Variants in MGAT4C observed in about 807,000 individuals in gnomAD.
MGAT4C encodes the protein alpha-1,3-mannosyl-glycoprotein 4-beta-N-acetylglucosaminyltransferase C.
A neutral mutation model predicts 40.1 loss-of-function variants in MGAT4C; 19 were observed. The ratio of observed to expected loss-of-function variants is 0.47; its 90% CI spans 0.33 to 0.70. MGAT4C has a LOEUF of 0.70. Among genes scored for constraint, MGAT4C ranks in the 30% least tolerant of loss-of-function variants. The pLI is 0.02. For missense variants in MGAT4C, 491 were observed against 563.2 expected, an observed-to-expected ratio of 0.87 and a Z score of 1.30; for synonymous variants, 181 against 187.1, an observed-to-expected ratio of 0.97 and a Z score of 0.27.
chr12:86,051,477 T>C (rs1371739811), intron 1 of MGAT4C, among the ~76,000 whole-genome samples: 1 of 151,844 alleles, frequency 6.6e-6, no homozygotes, highest in Non-Finnish European at 1.5e-5. Context: ...TAGACACTGA[T>C]GAAAAATATC....
intron 2 of MGAT4C, among the ~76,000 whole-genome samples, chr12:86,028,733 T>A (rs1890471086): frequency 1.3e-5 from 2 of 151,882 alleles, no homozygotes; most frequent in Admixed American, 1.3e-4. Flanking sequence ...TGTGGAAAAA[T>A]CAGGTTAGGT....
intron 3 of MGAT4C, among the ~76,000 whole-genome samples, chr12:86,371,035 T>C (rs1313590034): frequency 6.6e-6 from 1 of 152,006 alleles, no homozygotes; most frequent in Non-Finnish European, 1.5e-5. Flanking sequence ...AAATATTTCT[T>C]TCAGGAAATA....
Position 86,178,168 on chromosome 12 carries a change from C to T in MGAT4C, c.-57+78071G>A, listed in dbSNP as rs181237368. Among the ~76,000 whole-genome samples the T allele has an allele frequency of 6.7e-3, 1,025 of 152,224 alleles. 14 individuals are homozygous for T. The highest frequency in any genetic ancestry group is 0.024 in the African/African-American group (988 of 41,524). On this transcript the variant is annotated intron_variant, in intron 1 of 4. Coordinates refer to ENST00000611864, the MANE Select transcript of MGAT4C (RefSeq NM_001351288.2). ...AGCCAGGATGGTCTTGATCTCCTGA[C>T]CTTGTGATCCGCCCGCCTTGGCCTC...
chr12:86,153,187 C>T (rs1284138509), intron 1 of MGAT4C, among the ~76,000 whole-genome samples: 1 of 152,182 alleles, frequency 6.6e-6, no homozygotes, highest in East Asian at 1.9e-4. Flanking sequence ...ATTCAAACAG[C>T]TGTAAACCCA....
rs1258149790 is a variant in MGAT4C, at chr12:85,969,609, T to G, written c.*9680A>C. The G allele has an allele frequency of 6.6e-6, 1 of 151,600 alleles. No homozygotes were observed. Among genetic ancestry groups the G allele is most frequent in the Admixed American group, 6.6e-5 (1 of 15,192 alleles). 9.4% of individuals were successfully genotyped at this position (151,600 alleles called of 1,614,324 possible). Reference sequence around the variant, plus strand: ...GTTTTACATGAAGAAACTAATTATTTAAATTCATTTTTCAACTATTTAATG... The same window carrying G: ...GTTTTACATGAAGAAACTAATTATTGAAATTCATTTTTCAACTATTTAATG... On this transcript the variant is annotated 3_prime_UTR_variant, in exon 5 of 5. Coordinates refer to ENST00000611864, the MANE Select transcript of MGAT4C (RefSeq NM_001351288.2).
chr12:86,629,227 A>G (rs944137612), intron 2 of MGAT4C, among the ~76,000 whole-genome samples: 3 of 152,218 alleles, frequency 2.0e-5, no homozygotes, highest in African/African-American at 7.2e-5. Flanking sequence ...ACATGTGCCC[A>G]ATACAGGAGC....
At chr12:86,142,275 C>T (rs984502700) in intron 1 of MGAT4C, among the ~76,000 whole-genome samples, 2 of 152,154 alleles carry the variant, frequency 1.3e-5, no homozygotes, top group African/African-American at 4.8e-5. Context: ...AGATGAAAAT[C>T]AAGCCAATAT....
chr12:86,039,231 T>A (rs1260525226), intron 2 of MGAT4C, among the ~76,000 whole-genome samples: 3 of 152,180 alleles, frequency 2.0e-5, no homozygotes, highest in Non-Finnish European at 4.4e-5. Flanking sequence ...ATCTTTGTGA[T>A]GTTCTCTCTG....
intron 2 of MGAT4C, among the ~76,000 whole-genome samples, chr12:86,437,121 T>C (rs992979922): frequency 6.6e-6 from 1 of 151,888 alleles, no homozygotes; most frequent in South Asian, 2.1e-4. Context: ...GATATCAGAA[T>C]TTTTATGTCT....
At chr12:86,775,015 C>T (rs1951727590) in intron 1 of MGAT4C, among the ~76,000 whole-genome samples, 1 of 151,976 alleles carries the variant, frequency 6.6e-6, no homozygotes, top group African/African-American at 2.4e-5. Flanking sequence ...GTAAACATAC[C>T]AAAGCTTTGT....
At chr12:86,410,026 G>T (rs1351435968) in intron 3 of MGAT4C, among the ~76,000 whole-genome samples, 1 of 152,100 alleles carries the variant, frequency 6.6e-6, no homozygotes. Flanking sequence ...TACGAACAGG[G>T]AGTAGGTCAC....
chr12:86,389,398 T>C (rs1208576206), intron 3 of MGAT4C, among the ~76,000 whole-genome samples: 1 of 152,212 alleles, frequency 6.6e-6, no homozygotes, highest in Non-Finnish European at 1.5e-5. Context: ...GGCTGCATAG[T>C]ATTCCATGGT....
At chr12:86,784,095 A>C (rs1158938610) in intron 1 of MGAT4C, among the ~76,000 whole-genome samples, 1 of 151,612 alleles carries the variant, frequency 6.6e-6, no homozygotes, top group African/African-American at 2.4e-5. Context: ...CATCTACAAT[A>C]TTCCTGATGG....
chr12:86,219,515 T>C (rs1163612006), intron 1 of MGAT4C, among the ~76,000 whole-genome samples: 1 of 152,190 alleles, frequency 6.6e-6, no homozygotes, highest in African/African-American at 2.4e-5. Context: ...CCACCTTCAA[T>C]GCATGTTTTC....
At chr12:86,667,784 T>C (rs1218669327) in intron 2 of MGAT4C, among the ~76,000 whole-genome samples, 2 of 152,228 alleles carry the variant, frequency 1.3e-5, no homozygotes, top group Admixed American at 1.3e-4. Flanking sequence ...AAAGTCTTTC[T>C]TAGTTTGCAG....
At chr12:86,666,225 T>G (rs556639707) in intron 2 of MGAT4C, among the ~76,000 whole-genome samples, 1 of 152,180 alleles carries the variant, frequency 6.6e-6, no homozygotes, top group Non-Finnish European at 1.5e-5. Flanking sequence ...CCTCTAATTT[T>G]TAGCTATTCT....
In MGAT4C at chr12:86,333,269, G is replaced by GA. The variant is rs537381039; in HGVS notation, c.-57+795dup. On this transcript the variant is annotated intron_variant, in intron 4 of 7. Transcript: ENST00000548651. ...ACAGCCCCCATTGGCCATTATTGGG[G>GA]AAAAAAATTCCCCTTATTATTTCAG... is the stretch of plus-strand genomic sequence containing the variant. Among the ~76,000 whole-genome samples, 35 of 152,158 alleles carry GA rather than the reference G, an allele frequency of 2.3e-4. No homozygotes were observed. The East Asian group carries it at 6.8e-3, about 29-fold the overall frequency.
chr12:86,770,908 G>C (rs1951621814), intron 1 of MGAT4C, among the ~76,000 whole-genome samples: 1 of 152,062 alleles, frequency 6.6e-6, no homozygotes, highest in Non-Finnish European at 1.5e-5. Context: ...GGGTTGAATT[G>C]TGTCTCCTTC....
At chr12:86,155,639 T>C (rs977373340) in intron 1 of MGAT4C, among the ~76,000 whole-genome samples, 1 of 152,168 alleles carries the variant, frequency 6.6e-6, no homozygotes, top group Non-Finnish European at 1.5e-5. Flanking sequence ...GTTTCAGAAA[T>C]GTTACAACAG....
Sources: allele counts gnomAD v4.1 joint callset (sites outside exome capture counted in the v4.1 genomes callset), GRCh38; gene constraint gnomAD v4.1.1; transcripts MANE v1.5; gene names NCBI Gene and HGNC (gene_info 2026-07-23, HGNC 2026-07-21).